Variants in AGBL1 observed in about 807,000 individuals in gnomAD.
AGBL1 encodes AGBL carboxypeptidase 1.
A neutral mutation model predicts 118.9 loss-of-function variants in AGBL1; 130 were observed. The observed-to-expected ratio is 1.09, with a 90% CI of 0.95 to 1.26. The LOEUF (loss-of-function observed/expected upper bound fraction) is 1.26, where lower values mean the gene tolerates loss of function less well. AGBL1 is among the 50% of genes most tolerant of loss of function. The probability of loss-of-function intolerance (pLI) is 0.00; values close to 1 mark genes in which losing one functional copy is unlikely to be tolerated. For synonymous variants in AGBL1, 555 were observed against 478.9 expected, an observed-to-expected ratio of 1.16 and a Z score of -2.08; for missense variants, 1,584 against 1,298.1, an observed-to-expected ratio of 1.22 and a Z score of -3.38.
chr15:86,646,766 A>T (rs1021931863), intron 21 of AGBL1, among the ~76,000 whole-genome samples: 3 of 152,180 alleles, frequency 2.0e-5, no homozygotes, highest in African/African-American at 7.2e-5. Flanking sequence ...TATTTTCATC[A>T]CTAAATAACG....
intron 21 of AGBL1, among the ~76,000 whole-genome samples, chr15:86,558,117 G>A (rs1245726177): frequency 6.6e-6 from 1 of 152,066 alleles, no homozygotes; most frequent in African/African-American, 2.4e-5. Flanking sequence ...GTTCAGGTAT[G>A]GAATCTCTTA....
chr15:86,208,148 C>A (rs142534303), intron 5 of AGBL1, among the ~76,000 whole-genome samples: 2 of 152,046 alleles, frequency 1.3e-5, no homozygotes, highest in African/African-American at 4.8e-5. Flanking sequence ...GTTGAACCAG[C>A]CTTGCATCCC....
intron 22 of AGBL1, among the ~76,000 whole-genome samples, chr15:86,802,377 A>C (rs1283272559): frequency 2.0e-5 from 3 of 152,000 alleles, no homozygotes; most frequent in African/African-American, 7.2e-5. Flanking sequence ...CCTATCACAG[A>C]GCCTGGCACT....
chr15:86,963,169 G>A (rs1056431498), intron 23 of AGBL1, among the ~76,000 whole-genome samples: 3 of 151,920 alleles, frequency 2.0e-5, no homozygotes, highest in Admixed American at 2.0e-4. Context: ...AATGACAAAA[G>A]CCATGGACAA....
At chr15:86,740,018 C>A (rs1315173481) in intron 22 of AGBL1, among the ~76,000 whole-genome samples, 1 of 152,184 alleles carries the variant, frequency 6.6e-6, no homozygotes, top group Non-Finnish European at 1.5e-5. Flanking sequence ...GTTTACTGTT[C>A]CAGGAGTTCT....
intron 1 of AGBL1, among the ~76,000 whole-genome samples, chr15:86,130,683 A>T (rs1212083349): frequency 1.3e-5 from 2 of 152,186 alleles, no homozygotes; most frequent in Non-Finnish European, 2.9e-5. Context: ...ACTGTCATGC[A>T]TTCCAAATTC....
chr15:86,264,925 T>A, intron 11 of AGBL1, 87 bp downstream of exon 11: 1 of 1,227,034 alleles, frequency 8.1e-7, no homozygotes. Context: ...AATTCTACTA[T>A]CTATAGGAAA....
intron 22 of AGBL1, among the ~76,000 whole-genome samples, chr15:86,865,809 C>T (rs1024561206): frequency 6.6e-6 from 1 of 152,146 alleles, no homozygotes; most frequent in African/African-American, 2.4e-5. Flanking sequence ...GTGTTCAGAT[C>T]CTAGCTCTCC....
intron 24 of AGBL1, among the ~76,000 whole-genome samples, chr15:86,992,090 C>G (rs1429303504): frequency 6.6e-6 from 1 of 151,970 alleles, no homozygotes; most frequent in Non-Finnish European, 1.5e-5. Flanking sequence ...TGGTGAGAGG[C>G]CTCAAGGAGC....
At chr15:86,487,847 G>T (rs1371214304) in intron 18 of AGBL1, among the ~76,000 whole-genome samples, 1 of 152,078 alleles carries the variant, frequency 6.6e-6, no homozygotes, top group Non-Finnish European at 1.5e-5. Flanking sequence ...GAAAGCCTGG[G>T]AAACCAGAAG....
intron 21 of AGBL1, among the ~76,000 whole-genome samples, chr15:86,630,871 C>A (rs1227553707): frequency 6.6e-6 from 1 of 152,214 alleles, no homozygotes; most frequent in Non-Finnish European, 1.5e-5. Context: ...TGGATCTGTT[C>A]AAACCCGGAG....
At chr15:86,903,078 T>C (rs1366751841) in intron 22 of AGBL1, among the ~76,000 whole-genome samples, 1 of 152,112 alleles carries the variant, frequency 6.6e-6, no homozygotes, top group Non-Finnish European at 1.5e-5. Context: ...ATGTTCTCTT[T>C]ATTTTTTTTT....
rs188119396 is a variant in AGBL1 at position 86,929,040 on chromosome 15, G to C, written c.3222-58947G>C. Among the ~76,000 whole-genome samples, 62 of 151,766 alleles carry C rather than the reference G, an allele frequency of 4.1e-4. 1 individual carries two copies. In the South Asian group the frequency reaches 0.012, roughly 31 times the overall value. On this transcript the variant is annotated intron_variant, in intron 23 of 24. Coordinates refer to the AGBL1 transcript ENST00000441037. Reference sequence around the variant, plus strand: ...TTTTTTTCAAACTCCCTGTCTCTCTGAGACAGAGTCTTGGTTCTGTCGACA... The same window carrying C: ...TTTTTTTCAAACTCCCTGTCTCTCTCAGACAGAGTCTTGGTTCTGTCGACA...
rs1325208476 is a variant in AGBL1, at chr15:86,652,551, C to T, written c.2995-21722C>T. On this transcript the variant is annotated intron_variant, in intron 21 of 22. Coordinates refer to ENST00000614907, the MANE Select transcript of AGBL1 (RefSeq NM_001386094.1). Reference sequence around the variant, plus strand: ...ATTTCATAGTTATGTAGATACCTACCTCGGATTGTAGATTTAAACATTTGT... The same window carrying T: ...ATTTCATAGTTATGTAGATACCTACTTCGGATTGTAGATTTAAACATTTGT... Among the ~76,000 whole-genome samples, 6 of 151,886 alleles carry T rather than the reference C, an allele frequency of 4.0e-5. No individual in the cohort carries two copies. The South Asian group carries it at 1.3e-3, about 32-fold the overall frequency.
chr15:86,409,165 A>G (rs2081576762), intron 18 of AGBL1, among the ~76,000 whole-genome samples: 1 of 152,174 alleles, frequency 6.6e-6, no homozygotes, highest in African/African-American at 2.4e-5. Context: ...TCTTCAGACA[A>G]GTGGAAGGAG....
intron 22 of AGBL1, among the ~76,000 whole-genome samples, chr15:86,692,723 C>T (rs539769853): frequency 6.6e-6 from 1 of 152,226 alleles, no homozygotes; most frequent in Admixed American, 6.5e-5. Context: ...GCAGTATACA[C>T]GGAATCCAAT....
intron 1 of AGBL1, among the ~76,000 whole-genome samples, chr15:86,099,540 A>ATT (rs539242604): frequency 6.4e-4 from 83 of 130,634 alleles, no homozygotes; most frequent in African/African-American, 9.0e-4. Flanking sequence ...GTGGATGCCT[A>ATT]TTTTTTTTTT....
At chr15:86,492,127 G>C (rs535459870) in intron 18 of AGBL1, among the ~76,000 whole-genome samples, 1 of 152,182 alleles carries the variant, frequency 6.6e-6, no homozygotes, top group South Asian at 2.1e-4. Context: ...CTCATTATGA[G>C]TGAAGCTATG....
intron 24 of AGBL1, among the ~76,000 whole-genome samples, chr15:86,992,769 A>C (rs1259752362): frequency 6.6e-6 from 1 of 151,194 alleles, no homozygotes; most frequent in Non-Finnish European, 1.5e-5. Context: ...AAGCCTGCTC[A>C]ATATCAACAA....
Sources: gnomAD v4.1 joint callset for allele counts (sites outside exome capture counted in the v4.1 genomes callset) on GRCh38, gnomAD v4.1.1 for gene constraint, MANE v1.5 for transcripts, NCBI Gene and HGNC (gene_info 2026-07-23, HGNC 2026-07-21) for gene names.